The following AGBL4 variants were observed in gnomAD, a reference collection of about 807,000 sequenced individuals.
The protein encoded by AGBL4 is AGBL carboxypeptidase 4.
Under a neutral mutation model 66.4 loss-of-function variants are expected in AGBL4, and 58 were observed. The ratio of observed to expected loss-of-function variants is 0.87; its 90% CI spans 0.71 to 1.09. The LOEUF is 1.09. Ranked by LOEUF, AGBL4 falls within the 50% of genes least tolerant of loss-of-function variation. The probability of loss-of-function intolerance (pLI) is 0.00; values close to 1 mark genes in which losing one functional copy is unlikely to be tolerated. For missense variants in AGBL4, 579 were observed against 631.0 expected, an observed-to-expected ratio of 0.92 and a Z score of 0.88; for synonymous variants, 234 against 222.9, an observed-to-expected ratio of 1.05 and a Z score of -0.44.
At chr1:49,473,318 T>C (rs1446247984) in intron 3 of AGBL4, among the ~76,000 whole-genome samples, 1 of 152,110 alleles carries the variant, frequency 6.6e-6, no homozygotes, top group East Asian at 1.9e-4. Context: ...ATGTTTTGAC[T>C]TTTTAATAAT....
intron 6 of AGBL4, among the ~76,000 whole-genome samples, chr1:48,843,055 T>G (rs1646840237): frequency 6.6e-6 from 1 of 152,132 alleles, no homozygotes; most frequent in East Asian, 1.9e-4. Context: ...AATGAGTGTA[T>G]GTAGAATTTC....
At chr1:49,276,545 T>TA (rs1644170757) in intron 3 of AGBL4, among the ~76,000 whole-genome samples, 1 of 152,220 alleles carries the variant, frequency 6.6e-6, no homozygotes, top group Admixed American at 6.5e-5. Context: ...TCTGCATTGA[T>TA]ACAGCCAGGC....
chr1:48,629,300 T>C (rs561808431), intron 9 of AGBL4, among the ~76,000 whole-genome samples: 1 of 152,244 alleles, frequency 6.6e-6, no homozygotes, highest in East Asian at 1.9e-4. Context: ...TGATGTGAAG[T>C]CACTGTCATA....
chr1:49,423,092 C>T (rs967417510), intron 3 of AGBL4: 7 of 152,170 alleles, frequency 4.6e-5, no homozygotes, highest in African/African-American at 1.7e-4. Flanking sequence ...TCTGGGTCCC[C>T]AATGTACTGT....
intron 7 of AGBL4, among the ~76,000 whole-genome samples, chr1:48,662,888 C>A (rs1299145111): frequency 6.6e-6 from 1 of 152,208 alleles, no homozygotes; most frequent in Non-Finnish European, 1.5e-5. Flanking sequence ...CACCACAGCA[C>A]ATATGAGATA....
chr1:49,481,065 T>G (rs1646946699), intron 3 of AGBL4, among the ~76,000 whole-genome samples: 1 of 152,092 alleles, frequency 6.6e-6, no homozygotes, highest in Admixed American at 6.5e-5. Flanking sequence ...GCAGGTAGCG[T>G]GATGCCTCCA....
intron 1 of AGBL4, among the ~76,000 whole-genome samples, chr1:49,943,562 G>A (rs1049859338): frequency 1.6e-4 from 24 of 152,182 alleles, no homozygotes; most frequent in African/African-American, 5.3e-4. Context: ...AACCTTACCT[G>A]GAGCTAAGTC....
chr1:49,552,297 C>T (rs1653025141), intron 3 of AGBL4, among the ~76,000 whole-genome samples: 1 of 152,162 alleles, frequency 6.6e-6, no homozygotes, highest in Non-Finnish European at 1.5e-5. Context: ...GATTCACACC[C>T]TCCCCCAGGT....
intron 1 of AGBL4, among the ~76,000 whole-genome samples, chr1:49,875,157 T>C (rs2148122359): frequency 6.7e-6 from 1 of 148,648 alleles, no homozygotes; most frequent in South Asian, 2.1e-4. Flanking sequence ...ATTATTATTA[T>C]TATTATTTTT....
chr1:48,762,540 G>A (rs931768400), intron 6 of AGBL4, among the ~76,000 whole-genome samples: 3 of 151,774 alleles, frequency 2.0e-5, no homozygotes, highest in Admixed American at 2.0e-4. Context: ...TCCCAAATGC[G>A]TTTTGTAGCA....
chr1:48,573,090 G>A (rs754101367), intron 11 of AGBL4, among the ~76,000 whole-genome samples: 1 of 152,194 alleles, frequency 6.6e-6, no homozygotes. Context: ...TCTAGGCCCT[G>A]CCCCTGCCCC....
chr1:49,670,237 TC>T (rs1054989726), intron 3 of AGBL4, among the ~76,000 whole-genome samples: 1 of 151,992 alleles, frequency 6.6e-6, no homozygotes, highest in African/African-American at 2.4e-5. Context: ...CCCATCCCAC[TC>T]CCCAGCTCCA....
At chr1:49,954,282 A>T (rs1656406808) in intron 1 of AGBL4, among the ~76,000 whole-genome samples, 1 of 152,008 alleles carries the variant, frequency 6.6e-6, no homozygotes, top group Admixed American at 6.6e-5. Context: ...TCCACCAAAA[A>T]GCATGTGTTA....
At chr1:48,839,350 TAC>T (rs1646748672) in intron 6 of AGBL4, among the ~76,000 whole-genome samples, 1 of 152,100 alleles carries the variant, frequency 6.6e-6, no homozygotes, top group South Asian at 2.1e-4. Flanking sequence ...TGTGTATATA[TAC>T]ACACATATAT....
chr1:48,631,584 G>A (rs1002254116), intron 9 of AGBL4, among the ~76,000 whole-genome samples: 5 of 152,084 alleles, frequency 3.3e-5, no homozygotes, highest in South Asian at 2.1e-4. Context: ...AGTAGAGACC[G>A]GGTTTTGCCA....
intron 3 of AGBL4, among the ~76,000 whole-genome samples, chr1:49,377,509 T>C (rs1570564325): frequency 6.6e-6 from 1 of 152,066 alleles, no homozygotes; most frequent in East Asian, 1.9e-4. Flanking sequence ...CAGGGAAGAA[T>C]CTTCACATGT....
chr1:49,034,259 C>T (rs907132069), intron 5 of AGBL4, among the ~76,000 whole-genome samples: 1 of 152,060 alleles, frequency 6.6e-6, no homozygotes, highest in Non-Finnish European at 1.5e-5. Flanking sequence ...TCTCATAGTA[C>T]ACAACACATA....
At chr1:49,507,429 T>A (rs928549600) in intron 3 of AGBL4, among the ~76,000 whole-genome samples, 1 of 152,034 alleles carries the variant, frequency 6.6e-6, no homozygotes, top group African/African-American at 2.4e-5. Flanking sequence ...CAACTTACAC[T>A]CCTGTTAGAA....
intron 11 of AGBL4, among the ~76,000 whole-genome samples, chr1:48,557,346 G>A (rs1183262940): frequency 6.6e-6 from 1 of 152,114 alleles, no homozygotes; most frequent in Non-Finnish European, 1.5e-5. Flanking sequence ...AGAGATTAAT[G>A]GATAATTTGA....
Sources: allele counts gnomAD v4.1 joint callset (sites outside exome capture counted in the v4.1 genomes callset), GRCh38; gene constraint gnomAD v4.1.1; transcripts MANE v1.5; gene names NCBI Gene and HGNC (gene_info 2026-07-23, HGNC 2026-07-21).